Variants in KIAA1328 observed in about 807,000 individuals in gnomAD.
KIAA1328 encodes KIAA1328.
A neutral mutation model predicts 68.1 loss-of-function variants in KIAA1328; 52 were observed. The ratio of observed to expected loss-of-function variants is 0.76; its 90% CI spans 0.61 to 0.96. The LOEUF (loss-of-function observed/expected upper bound fraction) is 0.96. KIAA1328 is among the 40% of genes least tolerant of loss of function. KIAA1328 has a pLI of 0.00. For missense variants in KIAA1328, 641 were observed against 677.6 expected, an observed-to-expected ratio of 0.95 and a Z score of 0.60; for synonymous variants, 232 against 239.4, an observed-to-expected ratio of 0.97 and a Z score of 0.28.
At chr18:36,890,140 G>C (rs909977321) in intron 5 of KIAA1328, among the ~76,000 whole-genome samples, 2 of 151,778 alleles carry the variant, frequency 1.3e-5, no homozygotes, top group Non-Finnish European at 2.9e-5. Context: ...TCACATCCTT[G>C]AGCCCATTAC....
At chr18:37,216,720 G>GT (rs2060442866) in intron 9 of KIAA1328, among the ~76,000 whole-genome samples, 1 of 152,056 alleles carries the variant, frequency 6.6e-6, no homozygotes, top group South Asian at 2.1e-4. Context: ...ATCTAATATT[G>GT]ACAGTGGGGT....
chr18:36,952,972 A>C (rs2051222918), intron 5 of KIAA1328, among the ~76,000 whole-genome samples: 1 of 151,940 alleles, frequency 6.6e-6, no homozygotes, highest in Admixed American at 6.6e-5. Flanking sequence ...AGAGAGAAAC[A>C]CAAAAAAAGC....
intron 9 of KIAA1328, among the ~76,000 whole-genome samples, chr18:37,201,274 T>C (rs1172622067): frequency 3.3e-5 from 5 of 152,206 alleles, no homozygotes; most frequent in Non-Finnish European, 7.3e-5. Context: ...AAAGAAAATC[T>C]GTATGCTAAA....
At chr18:37,055,256 T>C (rs1274077128) in intron 6 of KIAA1328, among the ~76,000 whole-genome samples, 1 of 152,228 alleles carries the variant, frequency 6.6e-6, no homozygotes, top group Non-Finnish European at 1.5e-5. Context: ...ATTGAATAAT[T>C]TAAAATTCAG....
At chr18:37,057,701 C>T (rs2055973161) in intron 6 of KIAA1328, among the ~76,000 whole-genome samples, 1 of 151,966 alleles carries the variant, frequency 6.6e-6, no homozygotes, top group South Asian at 2.1e-4. Context: ...TCCCAAAGTG[C>T]TGGGATTACA....
At chr18:36,997,504 C>CT (rs1207772384) in intron 6 of KIAA1328, among the ~76,000 whole-genome samples, 2 of 152,196 alleles carry the variant, frequency 1.3e-5, no homozygotes, top group East Asian at 1.9e-4. Context: ...ACCTCTGAAA[C>CT]TAACACAGGG....
At chr18:36,991,422 A>G (rs2053173100) in intron 6 of KIAA1328, among the ~76,000 whole-genome samples, 2 of 152,234 alleles carry the variant, frequency 1.3e-5, no homozygotes, top group South Asian at 4.1e-4. Context: ...TCTGTTAACT[A>G]ACCACAAATG....
intron 9 of KIAA1328, among the ~76,000 whole-genome samples, chr18:37,198,409 T>TATGTAAG (rs1216941896): frequency 6.6e-6 from 1 of 152,190 alleles, no homozygotes; most frequent in African/African-American, 2.4e-5. Context: ...GCAGTGTCAT[T>TATGTAAG]ATGTAAGATA....
At chr18:37,215,576 C>T (rs928290784) in intron 9 of KIAA1328, among the ~76,000 whole-genome samples, 1 of 152,092 alleles carries the variant, frequency 6.6e-6, no homozygotes, top group Non-Finnish European at 1.5e-5. Context: ...ATTTTTGCAT[C>T]GATGTTCATC....
chr18:37,035,472 A>G (rs956247656), intron 6 of KIAA1328, among the ~76,000 whole-genome samples: 7 of 152,190 alleles, frequency 4.6e-5, no homozygotes, highest in Non-Finnish European at 1.0e-4. Flanking sequence ...TGTTATTCAA[A>G]TTGCTGGTGA....
intron 5 of KIAA1328, among the ~76,000 whole-genome samples, chr18:36,887,932 A>G (rs931150977): frequency 3.9e-5 from 6 of 152,294 alleles, no homozygotes; most frequent in African/African-American, 1.4e-4. Context: ...GGGCACAATT[A>G]GAGTGGGCCC....
At chr18:37,064,142 G>A (rs914922885) in intron 6 of KIAA1328, among the ~76,000 whole-genome samples, 7 of 152,094 alleles carry the variant, frequency 4.6e-5, no homozygotes, top group Non-Finnish European at 7.4e-5. Flanking sequence ...TTTGCCTAGC[G>A]CTGGTTCATA....
intron 7 of KIAA1328, among the ~76,000 whole-genome samples, chr18:37,146,461 G>C (rs534363640): frequency 6.6e-6 from 1 of 152,186 alleles, no homozygotes; most frequent in South Asian, 2.1e-4. Context: ...TGGTATATAT[G>C]TACCACATTT....
intron 5 of KIAA1328, among the ~76,000 whole-genome samples, chr18:36,888,459 G>A (rs1363959528): frequency 1.3e-5 from 2 of 152,168 alleles, no homozygotes; most frequent in Admixed American, 6.5e-5. Context: ...ATTACATATA[G>A]TAAAAAGGAA....
At chr18:36,864,183 C>G (rs2150900791) in intron 4 of KIAA1328, among the ~76,000 whole-genome samples, 1 of 152,158 alleles carries the variant, frequency 6.6e-6, no homozygotes, top group Middle Eastern at 3.4e-3. Flanking sequence ...AATGCTTTTT[C>G]TCTGTCGATT....
chr18:36,927,187 T>TA (rs1181430494), intron 5 of KIAA1328, among the ~76,000 whole-genome samples: 1 of 152,146 alleles, frequency 6.6e-6, no homozygotes. Flanking sequence ...AAAGGGTCAG[T>TA]AATGTAACAA....
intron 6 of KIAA1328, among the ~76,000 whole-genome samples, chr18:37,028,164 T>G (rs2151566855): frequency 6.6e-6 from 1 of 152,326 alleles, no homozygotes. Flanking sequence ...TGGTATTTGG[T>G]TTTCTGTTCC....
At chr18:36,944,289 G>A (rs939223483) in intron 5 of KIAA1328, among the ~76,000 whole-genome samples, 1 of 152,220 alleles carries the variant, frequency 6.6e-6, no homozygotes, top group East Asian at 1.9e-4. Flanking sequence ...AGAATATAAG[G>A]TCATGGGGGC....
In KIAA1328 at chr18:36,929,606, CTT is replaced by C. The variant is rs903166053; in HGVS notation, c.449-29701_449-29700del. Among the ~76,000 whole-genome samples, 12 of 152,128 alleles carry C rather than the reference CTT, an allele frequency of 7.9e-5. No homozygotes were observed. In the South Asian group the frequency reaches 8.3e-4, roughly 11 times the overall value. On this transcript the variant is annotated intron_variant, in intron 5 of 9. Coordinates refer to ENST00000280020, the MANE Select transcript of KIAA1328 (RefSeq NM_020776.3). The stretch of plus-strand genomic sequence containing the variant: ...CCCCCTAAATTTCATATTTTGGAAT[CTT>C]ATCCCCCATTGTTTTATTAGGAGGA...
Sources: gnomAD v4.1 joint callset for allele counts (sites outside exome capture counted in the v4.1 genomes callset) on GRCh38, gnomAD v4.1.1 for gene constraint, MANE v1.5 for transcripts, NCBI Gene and HGNC (gene_info 2026-07-23, HGNC 2026-07-21) for gene names.